MAP2: variants seen among roughly 807,000 people sequenced by gnomAD.
MAP2 encodes microtubule associated protein 2.
MAP2 carries 14 observed loss-of-function variants against 137.6 expected under a neutral mutation model. The ratio of observed to expected loss-of-function variants is 0.10; its 90% CI spans 0.07 to 0.16. The LOEUF is 0.16. MAP2 is among the 10% of genes least tolerant of loss of function. The probability of loss-of-function intolerance (pLI) is 1.00; values close to 1 mark genes in which losing one functional copy is unlikely to be tolerated. For missense variants in MAP2, 2,088 were observed against 2,191.5 expected (o/e 0.95, Z 0.94); for synonymous variants, 786 against 782.3 (o/e 1.00, Z -0.08).
At chr2:209,480,722 A>G (rs1708521657) in intron 1 of MAP2, among the ~76,000 whole-genome samples, 1 of 152,228 alleles carries the variant, frequency 6.6e-6, no homozygotes, top group Non-Finnish European at 1.5e-5. Context: ...GTAAATAGAA[A>G]AAATTTTAAA....
intron 1 of MAP2, among the ~76,000 whole-genome samples, chr2:209,467,222 T>TA (rs1704359061): frequency 6.6e-6 from 1 of 152,188 alleles, no homozygotes; most frequent in South Asian, 2.1e-4. Flanking sequence ...TTCTGTCCCT[T>TA]ATTAAATTAA....
intron 2 of MAP2, among the ~76,000 whole-genome samples, chr2:209,543,660 C>T (rs909794447): frequency 1.3e-5 from 2 of 152,160 alleles, no homozygotes; most frequent in Admixed American, 6.5e-5. Flanking sequence ...GGAAAACATT[C>T]AAAACTATTT....
intron 5 of MAP2, among the ~76,000 whole-genome samples, chr2:209,672,248 A>G (rs1187345519): frequency 1.3e-5 from 2 of 151,818 alleles, no homozygotes; most frequent in South Asian, 2.1e-4. Flanking sequence ...AGCCTGATGT[A>G]TTGTCTGTTA....
intron 2 of MAP2, among the ~76,000 whole-genome samples, chr2:209,522,399 G>T (rs371736295): frequency 1.3e-5 from 2 of 152,132 alleles, no homozygotes; most frequent in African/African-American, 2.4e-5. Context: ...TGCAGGTTGG[G>T]ATAAGAGAGA....
intron 1 of MAP2, among the ~76,000 whole-genome samples, chr2:209,482,022 CT>C (rs1553553768): frequency 2.0e-5 from 3 of 151,408 alleles, no homozygotes; most frequent in Admixed American, 1.3e-4. Context: ...CGTGGAACTT[CT>C]TTTTTTTTAA....
At chr2:209,508,836 A>G (rs552237513) in intron 2 of MAP2, among the ~76,000 whole-genome samples, 2 of 151,800 alleles carry the variant, frequency 1.3e-5, no homozygotes, top group South Asian at 4.2e-4. Flanking sequence ...CAAATTTATT[A>G]AAGTTTCTCT....
At chr2:209,429,278 AAAGT>A (rs1201765936) in intron 1 of MAP2, among the ~76,000 whole-genome samples, 1 of 152,146 alleles carries the variant, frequency 6.6e-6, no homozygotes, top group African/African-American at 2.4e-5. Context: ...TTTTCAGACA[AAAGT>A]AATACATGTA....
rs1448240470 is a variant in MAP2 at position 209,732,170 on chromosome 2, G to C, written c.*1773G>C. The C allele has an allele frequency of 6.6e-6, 1 of 152,202 alleles. No homozygotes were observed. Among genetic ancestry groups the C allele is most frequent in the African/African-American group, 2.4e-5 (1 of 41,434 alleles). 9.4% of individuals were successfully genotyped at this position (152,202 alleles called of 1,614,324 possible). ...CGTATGATCTCTTTGAGCCAAATCA[G>C]TTCCTGAATATAAAGGAGGAAATGA... On this transcript the variant is annotated 3_prime_UTR_variant, in exon 16 of 16. Transcript: ENST00000682079.
At chr2:209,613,302 G>C (rs149256141) in intron 3 of MAP2, among the ~76,000 whole-genome samples, 5,448 of 151,732 alleles carry the variant, frequency 0.036, 164 homozygotes, top group Middle Eastern at 0.082. Context: ...TTCTATAGCT[G>C]CATGAGTTTT....
At chr2:209,522,515 A>T (rs1326844458) in intron 2 of MAP2, among the ~76,000 whole-genome samples, 1 of 152,174 alleles carries the variant, frequency 6.6e-6, no homozygotes, top group African/African-American at 2.4e-5. Context: ...AATAATTTTT[A>T]AAAATAACTT....
intron 2 of MAP2, among the ~76,000 whole-genome samples, chr2:209,575,719 G>A (rs940561986): frequency 2.6e-5 from 4 of 152,094 alleles, no homozygotes; most frequent in Non-Finnish European, 5.9e-5. Context: ...AAACATGTTT[G>A]AGTGCCAGTA....
At chr2:209,441,483 A>G (rs2149394834) in intron 1 of MAP2, among the ~76,000 whole-genome samples, 2 of 151,710 alleles carry the variant, frequency 1.3e-5, no homozygotes, top group Admixed American at 1.3e-4. Flanking sequence ...TGCTTTGGAA[A>G]AGAAGGGAAA....
At chr2:209,651,211 G>A (rs1159608367) in intron 4 of MAP2, among the ~76,000 whole-genome samples, 10 of 152,090 alleles carry the variant, frequency 6.6e-5, no homozygotes, top group Non-Finnish European at 1.0e-4. Flanking sequence ...TTTATAAAAA[G>A]ATGTAGCTAA....
intron 2 of MAP2, among the ~76,000 whole-genome samples, chr2:209,510,588 A>G (rs777280766): frequency 1.6e-4 from 25 of 152,222 alleles, no homozygotes; most frequent in Non-Finnish European, 2.9e-4. Context: ...TGAGATTTGC[A>G]ATACCCATGC....
At chr2:209,481,880 G>A (rs2149836687) in intron 1 of MAP2, among the ~76,000 whole-genome samples, 1 of 152,336 alleles carries the variant, frequency 6.6e-6, no homozygotes, top group South Asian at 2.1e-4. Context: ...TGAAAGGACA[G>A]CCAGCTTCCA....
At chr2:209,698,726 A>G (rs891018852) in intron 10 of MAP2, among the ~76,000 whole-genome samples, 3 of 152,232 alleles carry the variant, frequency 2.0e-5, no homozygotes, top group Non-Finnish European at 4.4e-5. Context: ...AATTAACGTG[A>G]CATACCTCAA....
intron 2 of MAP2, among the ~76,000 whole-genome samples, chr2:209,514,694 A>G (rs539958885): frequency 1.3e-5 from 2 of 152,256 alleles, no homozygotes; most frequent in South Asian, 4.1e-4. Flanking sequence ...AATTCTTTAT[A>G]TTCTACTTAT....
chr2:209,557,855 A>G (rs575791905), intron 2 of MAP2, among the ~76,000 whole-genome samples: 2 of 152,270 alleles, frequency 1.3e-5, no homozygotes, highest in South Asian at 4.1e-4. Flanking sequence ...CCTCCTCTGT[A>G]CTCTCATGGT....
chr2:209,613,254 TA>T (rs869272035), intron 3 of MAP2, among the ~76,000 whole-genome samples: 2 of 80,486 alleles, frequency 2.5e-5, no homozygotes, highest in Admixed American at 2.0e-4. Flanking sequence ...TTTCTATTTT[TA>T]TTTATTTATT....
Sources: gnomAD v4.1 joint callset for allele counts (sites outside exome capture counted in the v4.1 genomes callset) on GRCh38, gnomAD v4.1.1 for gene constraint, MANE v1.5 for transcripts, NCBI Gene and HGNC (gene_info 2026-07-23, HGNC 2026-07-21) for gene names.